ACSL6: variants seen among roughly 807,000 people sequenced by gnomAD.
The protein encoded by ACSL6 is long-chain-fatty-acid--CoA ligase 6.
In ACSL6, 47 loss-of-function variants were observed where a neutral mutation model predicts 98.2. That is an observed-to-expected ratio of 0.48 (90% confidence interval 0.38 to 0.61). ACSL6 has a LOEUF of 0.61. Among genes scored for constraint, ACSL6 ranks in the 20% least tolerant of loss-of-function variants. ACSL6 has a pLI of 0.00. For missense variants in ACSL6, 761 were observed against 913.4 expected (o/e 0.83, Z 2.15); for synonymous variants, 362 against 336.9 (o/e 1.07, Z -0.82).
intron 1 of ACSL6, among the ~76,000 whole-genome samples, chr5:131,999,791 A>C (rs904793237): frequency 6.6e-6 from 1 of 152,172 alleles, no homozygotes; most frequent in African/African-American, 2.4e-5. Flanking sequence ...AGAGCCAAGC[A>C]ACCCAGCCTT....
intron 9 of ACSL6, chr5:131,982,857 T>A (rs977087577): frequency 6.6e-6 from 1 of 152,236 alleles, no homozygotes; most frequent in Middle Eastern, 3.2e-3. Flanking sequence ...CTCAAGGCAG[T>A]GACCGCATCA....
chr5:131,951,571 C>G lies in ACSL6; in HGVS notation c.*2663G>C, dbSNP rs561389015. ...TATTTTAAGTGGCAAAAAGAAGAAA[C>G]CTTGTTTTTGTTTTTTTTTTTTCTT... On this transcript the variant is annotated 3_prime_UTR_variant, in exon 21 of 21. Coordinates refer to ENST00000651883, the MANE Select transcript of ACSL6 (RefSeq NM_001009185.3). 1.6e-5 allele frequency: 3 copies of G among 185,838 alleles called. No individual in the cohort carries two copies. The highest frequency in any genetic ancestry group is 2.5e-5 in the African/African-American group (1 of 40,148). 11.5% of individuals were successfully genotyped at this position (185,838 alleles called of 1,614,324 possible).
At chr5:132,007,425 C>T (rs1451302736) in intron 1 of ACSL6, among the ~76,000 whole-genome samples, 2 of 152,202 alleles carry the variant, frequency 1.3e-5, no homozygotes, top group African/African-American at 4.8e-5. Context: ...ATCCTGGATC[C>T]CCTTTAAGGA....
chr5:131,977,128 C>A (rs369404716), intron 9 of ACSL6, among the ~76,000 whole-genome samples: 21 of 152,346 alleles, frequency 1.4e-4, no homozygotes, highest in African/African-American at 4.8e-4. Context: ...CTGAGTCCAG[C>A]AGCCAACTCT....
In ACSL6 at chr5:132,011,300, C is replaced by T. The variant is rs553886778; in HGVS notation, c.49+205G>A. 3.4e-4 allele frequency: 208 copies of T among 613,420 alleles called. 2 individuals carry two copies. The African/African-American group carries it at 3.5e-3, about 10-fold the overall frequency. The allele number at this position is 613,420 out of a possible 1,614,324, so 38.0% of individuals were successfully genotyped here. A position where few individuals can be genotyped will look rare whatever the true frequency, so the allele number is the denominator to read the frequency against. ...AGCCCTATATCTCCCTCCGCAGACC[C>T]AGGTGCTCCCCAAACCCGGCCCGGA... is the stretch of plus-strand genomic sequence containing the variant. On this transcript the variant is annotated intron_variant, in intron 1 of 20. Coordinates refer to ENST00000651883, the MANE Select transcript of ACSL6 (RefSeq NM_001009185.3). This position sits in a 1 kb window ranked among gnomAD's most constrained non-coding sequence, Gnocchi z 5.4.
rs1561805741 is a variant in ACSL6 at position 131,994,271 on chromosome 5, GA to G, written c.50-21del. 6.3e-7 allele frequency: 1 copy of G among 1,586,484 alleles called. No individual in the cohort carries two copies. On this transcript the variant is annotated intron_variant, in intron 1 of 20. Transcript: ENST00000651883. ...CAAACTCTGTTGAAAACAAGAGTCAGATAAGGCAAGAGACCTGACGGGCAGG... is the reference window on the plus strand; with the variant it reads ...CAAACTCTGTTGAAAACAAGAGTCAGTAAGGCAAGAGACCTGACGGGCAGG...
At chr5:132,006,866 G>A (rs1317669089) in intron 1 of ACSL6, 1 of 152,228 alleles carries the variant, frequency 6.6e-6, no homozygotes, top group East Asian at 1.9e-4. Context: ...CCTGCAAGGA[G>A]TTTACACCTG....
intron 1 of ACSL6, among the ~76,000 whole-genome samples, chr5:131,997,006 T>A (rs1324253562): frequency 1.3e-5 from 2 of 150,786 alleles, no homozygotes; most frequent in South Asian, 4.1e-4. Flanking sequence ...AAAGAGCACA[T>A]GGGACACTTA....
At position 131,967,982 on chromosome 5, in the gene ACSL6, A is replaced by T. The variant is rs373237972; in HGVS notation, c.1554T>A (p.Asp518Glu). The T allele has an allele frequency of 1.2e-6, 2 of 1,614,048 alleles. No homozygotes were observed. The highest frequency in any genetic ancestry group is 1.3e-5 in the African/African-American group (1 of 75,042). ...PLPCNHIKLVDVEELNYWACK... is the reference protein window; with the variant it reads ...PLPCNHIKLVEVEELNYWACK... ...AGGCCCAGTAGTTCAGTTCCTCAAC[A>T]TCAACGAGCTTGATATGATTGCAGG... The change falls in exon 16 of 21, where the codon GAT becomes GAA. Residue 518 changes from aspartate to glutamate, a missense_variant. Transcript: ENST00000651883.
chr5:132,004,545 G>A (rs1358892226), intron 1 of ACSL6, among the ~76,000 whole-genome samples: 1 of 152,162 alleles, frequency 6.6e-6, no homozygotes, highest in Non-Finnish European at 1.5e-5. Flanking sequence ...ACTGGTATTC[G>A]TTTGGGCCAC....
At chr5:132,009,925 C>T (rs1407043805) in intron 1 of ACSL6, among the ~76,000 whole-genome samples, 1 of 152,158 alleles carries the variant, frequency 6.6e-6, no homozygotes, top group Non-Finnish European at 1.5e-5. Context: ...TGACCTTGGA[C>T]CCATGGTTGG....
chr5:131,963,629 T>C (rs1477191514), intron 17 of ACSL6, among the ~76,000 whole-genome samples: 1 of 152,146 alleles, frequency 6.6e-6, no homozygotes, highest in Non-Finnish European at 1.5e-5. Flanking sequence ...TCTCCTGGGA[T>C]CTCCAGTGGT....
chr5:131,974,696 G>A (rs1459889966), intron 11 of ACSL6, 197 bp downstream of exon 11: 1 of 1,545,958 alleles, frequency 6.5e-7, no homozygotes, highest in Non-Finnish European at 8.8e-7. Flanking sequence ...AGTGACAAGT[G>A]ACACCCGCTA....
intron 16 of ACSL6, among the ~76,000 whole-genome samples, chr5:131,966,942 A>G (rs1178550974): frequency 6.6e-6 from 1 of 152,196 alleles, no homozygotes; most frequent in South Asian, 2.1e-4. Context: ...GAACAAGTAC[A>G]GGCCAGCTCT....
At chr5:131,998,224 A>C (rs993825642) in intron 1 of ACSL6, among the ~76,000 whole-genome samples, 8 of 152,136 alleles carry the variant, frequency 5.3e-5, no homozygotes, top group African/African-American at 1.9e-4. Context: ...ACTCAAGGGA[A>C]TCAGTGGTGC....
chr5:131,985,249 A>T (rs422291), intron 9 of ACSL6, 158 bp downstream of exon 9: 193,787 of 848,308 alleles, frequency 0.23, 24,995 homozygotes, highest in East Asian at 0.53. Flanking sequence ...TATGCAGGGC[A>T]CTGGGAGGTG....
At position 132,011,323 on chromosome 5, in the gene ACSL6, G is replaced by A; in HGVS notation, c.49+182C>T. ...CCCAGGTGCTCCCCAAACCCGGCCC[G>A]GAGCCCGCGAGAACTGGGGGCGGAG... On this transcript the variant is annotated intron_variant, in intron 1 of 20. Coordinates refer to ENST00000651883, the MANE Select transcript of ACSL6 (RefSeq NM_001009185.3). The surrounding 1 kb of genome is among the most constrained non-coding windows in gnomAD (Gnocchi z 5.4). 2 of 671,372 alleles carry A rather than the reference G, an allele frequency of 3.0e-6. No individual in the cohort carries two copies. Among genetic ancestry groups the A allele is most frequent in the Admixed American group, 2.6e-5 (1 of 39,196 alleles). 41.6% of individuals were successfully genotyped at this position (671,372 alleles called of 1,614,324 possible). A position where few individuals can be genotyped will look rare whatever the true frequency, so the allele number is the denominator to read the frequency against.
chr5:132,011,482 A>G lies in ACSL6; in HGVS notation c.49+23T>C. 5 of 1,606,852 alleles carry G rather than the reference A, an allele frequency of 3.1e-6. No individual in the cohort carries two copies. The highest frequency in any genetic ancestry group is 4.3e-6 in the Non-Finnish European group (5 of 1,174,952). On this transcript the variant is annotated intron_variant, in intron 1 of 20. Coordinates refer to ENST00000651883, the MANE Select transcript of ACSL6 (RefSeq NM_001009185.3). This position sits in a 1 kb window ranked among gnomAD's most constrained non-coding sequence, Gnocchi z 5.4. ...AGCCTGCGGGAGATGGGAGTCCGGGACGCGGACAGGACGGGCACTTACCTA... is the reference window on the plus strand; with the variant it reads ...AGCCTGCGGGAGATGGGAGTCCGGGGCGCGGACAGGACGGGCACTTACCTA...
chr5:131,977,945 G>C (rs915452486), intron 9 of ACSL6, among the ~76,000 whole-genome samples: 8 of 152,266 alleles, frequency 5.3e-5, no homozygotes, highest in African/African-American at 1.9e-4. Flanking sequence ...CCATCAAAAG[G>C]GGAGGAATGA....
Sources: allele counts gnomAD v4.1 joint callset (sites outside exome capture counted in the v4.1 genomes callset), GRCh38; gene constraint gnomAD v4.1.1; non-coding constraint Gnocchi (gnomAD v3.1); transcripts MANE v1.5; gene names NCBI Gene and HGNC (gene_info 2026-07-23, HGNC 2026-07-21).